NBEA: variants seen among roughly 807,000 people sequenced by gnomAD.
NBEA encodes lysosomal-trafficking regulator 2.
In NBEA, 44 loss-of-function variants were observed where a neutral mutation model predicts 343.4. The ratio of observed to expected loss-of-function variants is 0.13; its 90% CI spans 0.10 to 0.16. NBEA has a LOEUF of 0.16. NBEA is among the 10% of genes least tolerant of loss of function. The pLI, the probability that NBEA is intolerant of heterozygous loss-of-function variation, is 1.00. For missense variants in NBEA, 2,555 were observed against 3,631.3 expected (o/e 0.70, Z 7.62); for synonymous variants, 1,175 against 1,238.7 (o/e 0.95, Z 1.08).
chr13:35,100,755 C>A (rs555606500), intron 11 of NBEA, among the ~76,000 whole-genome samples: 7 of 152,024 alleles, frequency 4.6e-5, no homozygotes, highest in African/African-American at 1.7e-4. Context: ...TTAATTTGCA[C>A]TTTTCCTAGA....
At chr13:35,329,823 A>ACCAGACTTTAAC (rs749782033) in intron 36 of NBEA, among the ~76,000 whole-genome samples, 1 of 18,926 alleles carries the variant, frequency 5.3e-5, no homozygotes, top group Non-Finnish European at 1.0e-4. Flanking sequence ...TGTGTCTTAA[A>ACCAGACTTTAAC]AAAACTACAG....
intron 1 of NBEA, among the ~76,000 whole-genome samples, chr13:35,020,087 A>C (rs1349887758): frequency 6.6e-6 from 1 of 151,924 alleles, no homozygotes; most frequent in East Asian, 1.9e-4. Context: ...ATAGTTTCTT[A>C]ATGTGGAACC....
chr13:35,579,314 C>A (rs1260304846), intron 45 of NBEA, among the ~76,000 whole-genome samples: 1 of 152,104 alleles, frequency 6.6e-6, no homozygotes, highest in Non-Finnish European at 1.5e-5. Context: ...TGTGCTCAGA[C>A]TTTTATGTTC....
chr13:35,131,633 A>G (rs2067434823), intron 17 of NBEA, among the ~76,000 whole-genome samples: 1 of 152,208 alleles, frequency 6.6e-6, no homozygotes, highest in African/African-American at 2.4e-5. Context: ...ACTAACAATT[A>G]ACAAAAGCCT....
intron 40 of NBEA, among the ~76,000 whole-genome samples, chr13:35,463,204 C>A (rs946392164): frequency 6.6e-6 from 1 of 152,180 alleles, no homozygotes; most frequent in South Asian, 2.1e-4. Flanking sequence ...CCTATGCTTA[C>A]GAGTCAGGAA....
chr13:35,393,238 C>T (rs2042589052), intron 38 of NBEA, among the ~76,000 whole-genome samples: 2 of 152,064 alleles, frequency 1.3e-5, no homozygotes, highest in South Asian at 4.1e-4. Flanking sequence ...TCTCAAAACA[C>T]ATTTTAGCAC....
chr13:35,502,531 T>G (rs1465225985), intron 41 of NBEA, among the ~76,000 whole-genome samples: 1 of 151,824 alleles, frequency 6.6e-6, no homozygotes. Flanking sequence ...TTCCACAAAG[T>G]TTTTTCCATG....
chr13:35,181,608 T>G (rs1429941860), intron 28 of NBEA, among the ~76,000 whole-genome samples: 3 of 151,876 alleles, frequency 2.0e-5, no homozygotes, highest in Non-Finnish European at 4.4e-5. Flanking sequence ...ACTCTGTGAG[T>G]TGTCTGTTTA....
chr13:35,370,816 T>C (rs556301620), intron 38 of NBEA, among the ~76,000 whole-genome samples: 2 of 152,204 alleles, frequency 1.3e-5, no homozygotes, highest in South Asian at 2.1e-4. Flanking sequence ...CTAGAGGTGA[T>C]GAATTTCCTC....
Position 35,550,661 on chromosome 13 carries a change from GATA to G in NBEA, c.6703+70_6703+72del, listed in dbSNP as rs952084135. On this transcript the variant is annotated intron_variant, in intron 42 of 58. Transcript: ENST00000379939. Reference sequence around the variant, plus strand: ...TACATATTATTCATTTACATGGTATGATAATGTCTTGATTTTTCCTACTGTATT... The same window carrying G: ...TACATATTATTCATTTACATGGTATGATGTCTTGATTTTTCCTACTGTATT... 6.3e-5 allele frequency: 62 copies of G among 976,608 alleles called. No homozygotes were observed. The African/African-American group carries it at 9.8e-4, about 15-fold the overall frequency. The allele number at this position is 976,608 out of a possible 1,614,324, so 60.5% of individuals were successfully genotyped here.
At chr13:35,397,822 C>T (rs1434817166) in intron 38 of NBEA, among the ~76,000 whole-genome samples, 1 of 152,138 alleles carries the variant, frequency 6.6e-6, no homozygotes, top group Non-Finnish European at 1.5e-5. Flanking sequence ...TGTGAAACTT[C>T]AGCAAGTTAT....
chr13:35,216,449 CTTATCCTTTACAGA>C (rs2074070547), intron 33 of NBEA, among the ~76,000 whole-genome samples: 2 of 151,922 alleles, frequency 1.3e-5, no homozygotes, highest in Non-Finnish European at 2.9e-5. Context: ...TATTTACTGT[CTTATCCTTTACAGA>C]TGTTTCCCAG....
chr13:35,008,437 G>T (rs966807694), intron 1 of NBEA, among the ~76,000 whole-genome samples: 1 of 152,092 alleles, frequency 6.6e-6, no homozygotes, highest in African/African-American at 2.4e-5. Context: ...TGTAAATGCT[G>T]TGTAAATAGT....
At chr13:35,611,896 A>C (rs1225709398) in intron 48 of NBEA, among the ~76,000 whole-genome samples, 1 of 152,204 alleles carries the variant, frequency 6.6e-6, no homozygotes, top group African/African-American at 2.4e-5. Flanking sequence ...CTATGTGAAC[A>C]TACATTTTTA....
intron 48 of NBEA, 138 bp from the exon 49 acceptor site, chr13:35,627,943 G>T: frequency 1.7e-6 from 1 of 601,860 alleles, no homozygotes. Flanking sequence ...CTGAAGATCT[G>T]ATACATATAA....
intron 13 of NBEA, among the ~76,000 whole-genome samples, chr13:35,113,975 A>T (rs1182475203): frequency 6.6e-6 from 1 of 152,146 alleles, no homozygotes; most frequent in South Asian, 2.1e-4. Context: ...AATGCCCATA[A>T]GTTTTTAATA....
chr13:35,184,153 GT>G, intron 30 of NBEA, 82 bp downstream of exon 30: 1 of 992,962 alleles, frequency 1.0e-6, no homozygotes. Context: ...TGATATACTT[GT>G]TTATAAATAA....
intron 41 of NBEA, among the ~76,000 whole-genome samples, chr13:35,497,884 A>G (rs1362445670): frequency 6.6e-6 from 1 of 152,070 alleles, no homozygotes; most frequent in African/African-American, 2.4e-5. Context: ...GATTATTTAT[A>G]TTAAGAGCTT....
At chr13:35,108,367 C>G (rs2066023146) in intron 11 of NBEA, among the ~76,000 whole-genome samples, 1 of 151,846 alleles carries the variant, frequency 6.6e-6, no homozygotes, top group South Asian at 2.1e-4. Flanking sequence ...AATATTATAG[C>G]ATTTTTATCT....
Sources: allele counts gnomAD v4.1 joint callset (sites outside exome capture counted in the v4.1 genomes callset), GRCh38; gene constraint gnomAD v4.1.1; transcripts MANE v1.5; gene names NCBI Gene and HGNC (gene_info 2026-07-23, HGNC 2026-07-21).